Variants in TVP23A observed in about 807,000 individuals in gnomAD.
The protein encoded by TVP23A is Golgi apparatus membrane protein TVP23 homolog A.
TVP23A carries 21 observed loss-of-function variants against 31.7 expected under a neutral mutation model. The observed-to-expected ratio is 0.66, with a 90% CI of 0.47 to 0.95. The LOEUF (loss-of-function observed/expected upper bound fraction) is 0.95. TVP23A is among the 40% of genes least tolerant of loss of function. The probability of loss-of-function intolerance (pLI) is 0.00; values close to 1 mark genes in which losing one functional copy is unlikely to be tolerated. For missense variants in TVP23A, 279 were observed against 255.6 expected (o/e 1.09, Z -0.62); for synonymous variants, 104 against 96.0 (o/e 1.08, Z -0.49).
chr16:10,761,925 C>G (rs2029975221), downstream of TVP23A: 2 of 1,255,212 alleles, frequency 1.6e-6, no homozygotes, highest in Non-Finnish European at 2.3e-6. Context: ...GGGTCGGGCA[C>G]AACAGGGGGC....
chr16:10,808,820 C>T (rs2034064886), intron 2 of TVP23A, among the ~76,000 whole-genome samples: 1 of 152,094 alleles, frequency 6.6e-6, no homozygotes, highest in Non-Finnish European at 1.5e-5. Flanking sequence ...TCAAACCCCA[C>T]AAACAAAACC....
At chr16:10,793,314 T>G (rs1463938631) in intron 2 of TVP23A, among the ~76,000 whole-genome samples, 2 of 152,032 alleles carry the variant, frequency 1.3e-5, no homozygotes, top group African/African-American at 2.4e-5. Flanking sequence ...ACATATCGAC[T>G]CTAGAGTCTG....
At chr16:10,778,679 T>TA (rs1012473894) in intron 2 of TVP23A, among the ~76,000 whole-genome samples, 38 of 145,450 alleles carry the variant, frequency 2.6e-4, no homozygotes, top group African/African-American at 9.2e-4. Context: ...AAAAAAAAGA[T>TA]AGAGGGTCGG....
intron 2 of TVP23A, among the ~76,000 whole-genome samples, chr16:10,796,347 A>G (rs1398743371): frequency 6.6e-6 from 1 of 152,214 alleles, no homozygotes; most frequent in Non-Finnish European, 1.5e-5. Context: ...TCTCAAAAAA[A>G]AGAACAATTT....
chr16:10,778,935 C>T (rs755708553), intron 2 of TVP23A, among the ~76,000 whole-genome samples: 8 of 152,184 alleles, frequency 5.3e-5, no homozygotes, highest in Non-Finnish European at 8.8e-5. Flanking sequence ...CACTGCACTA[C>T]GGAGCAAGAC....
rs117050281 is a variant in TVP23A, at chr16:10,796,756, T to C, written c.89+21347A>G. Among the ~76,000 whole-genome samples the C allele has an allele frequency of 2.3e-4, 35 of 152,304 alleles. No homozygotes were observed. In the East Asian group the frequency reaches 5.6e-3, roughly 24 times the overall value. The stretch of plus-strand genomic sequence containing the variant: ...CCCGGCCCATAAAAGGGATTTTATA[T>C]AGCAACCAACTGTAATATTGTGATG... On this transcript the variant is annotated intron_variant, in intron 2 of 7. Transcript: ENST00000299866.
intron 2 of TVP23A, among the ~76,000 whole-genome samples, chr16:10,782,482 T>C (rs917508592): frequency 6.6e-6 from 1 of 152,012 alleles, no homozygotes; most frequent in Non-Finnish European, 1.5e-5. Context: ...TGAAGTTTTG[T>C]TGGTTTTGTT....
intron 2 of TVP23A, among the ~76,000 whole-genome samples, chr16:10,795,931 A>C (rs1470057692): frequency 6.6e-6 from 1 of 152,196 alleles, no homozygotes; most frequent in African/African-American, 2.4e-5. Context: ...TCAGGACTGT[A>C]GCTCTCACTA....
chr16:10,799,705 G>C (rs2033597739), intron 2 of TVP23A, among the ~76,000 whole-genome samples: 1 of 152,230 alleles, frequency 6.6e-6, no homozygotes. Flanking sequence ...GAAAGACAAG[G>C]AGAGTGAGGT....
chr16:10,774,107 C>A lies in TVP23A; in HGVS notation c.256G>T (p.Val86Leu). ...SVKNVTGRLL[V>L]GLRWWNQIDE... ...ATCTGGTTCCACCATCGAAGGCCCA[C>A]CAGGAGTCTTCCGGTTACATTCTGA... is the stretch of plus-strand genomic sequence containing the variant. The change falls in exon 4 of 8, where the codon GTG (valine) becomes TTG (leucine). Residue 86 changes from valine (V) to leucine (L), a missense_variant. Val to Leu is a conservative substitution (Grantham distance 32). Transcript: ENST00000299866. The A allele has an allele frequency of 6.2e-7, 1 of 1,610,832 alleles. No homozygotes were observed.
chr16:10,772,288 C>T (rs11648243), intron 5 of TVP23A, among the ~76,000 whole-genome samples: 32,003 of 152,122 alleles, frequency 0.21, 3,627 homozygotes, highest in South Asian at 0.35. Context: ...GGAGCGTGGT[C>T]GAGCCGGGAT....
intron 6 of TVP23A, 149 bp from the exon 7 acceptor site, chr16:10,770,480 T>C: frequency 1.3e-6 from 1 of 759,890 alleles, no homozygotes; most frequent in Non-Finnish European, 2.0e-6. Flanking sequence ...GCTGTTCAAA[T>C]TTAGGACGGT....
In TVP23A at chr16:10,818,574, C is replaced by G. The variant is rs1567325969; in HGVS notation, c.-81G>C. 3.9e-6 allele frequency: 6 copies of G among 1,531,488 alleles called. No homozygotes were observed. The highest frequency in any genetic ancestry group is 5.2e-6 in the Non-Finnish European group (6 of 1,143,200). 94.9% of individuals were successfully genotyped at this position (1,531,488 alleles called of 1,614,324 possible). A position where few individuals can be genotyped will look rare whatever the true frequency, so the allele number is the denominator to read the frequency against. On this transcript the variant is annotated 5_prime_UTR_variant, in exon 1 of 8. Transcript: ENST00000299866. This position sits in a 1 kb window ranked among gnomAD's most constrained non-coding sequence, Gnocchi z 4.7. Reference sequence around the variant, plus strand: ...GCCGCTGAAGGGGTCGGACGCCGGGCGGGCGGATGTAGGCAGCAGACGGTG... The same window carrying G: ...GCCGCTGAAGGGGTCGGACGCCGGGGGGGCGGATGTAGGCAGCAGACGGTG...
downstream of TVP23A, chr16:10,761,850 C>T (rs571280854): frequency 6.2e-7 from 1 of 1,613,722 alleles, no homozygotes; most frequent in East Asian, 2.2e-5. Flanking sequence ...GCCCCTGGAT[C>T]CGCTCATAGG....
chr16:10,793,855 C>T (rs1218250369), intron 2 of TVP23A, among the ~76,000 whole-genome samples: 1 of 119,780 alleles, frequency 8.3e-6, no homozygotes, highest in Non-Finnish European at 1.6e-5. Flanking sequence ...GCTGTGATCA[C>T]ACCACTGCAT....
chr16:10,806,034 TG>T (rs949815154), intron 2 of TVP23A, among the ~76,000 whole-genome samples: 7 of 152,218 alleles, frequency 4.6e-5, no homozygotes, highest in African/African-American at 1.7e-4. Context: ...GTGCCAACCT[TG>T]AAATAAATGA....
At chr16:10,764,739 C>T (rs2030603465), downstream of TVP23A, among the ~76,000 whole-genome samples, 1 of 150,702 alleles carries the variant, frequency 6.6e-6, no homozygotes, top group African/African-American at 2.4e-5. Flanking sequence ...GTTGGAGCAT[C>T]TCAGTCTGCT....
intron 2 of TVP23A, among the ~76,000 whole-genome samples, chr16:10,785,821 C>A (rs1194441238): frequency 1.3e-5 from 2 of 152,186 alleles, no homozygotes; most frequent in African/African-American, 2.4e-5. Context: ...CCCTTTGCAG[C>A]CTCTGATTTG....
intron 2 of TVP23A, among the ~76,000 whole-genome samples, chr16:10,799,542 C>A (rs922800460): frequency 6.6e-6 from 1 of 152,338 alleles, no homozygotes; most frequent in South Asian, 2.1e-4. Flanking sequence ...CCATGTTGGT[C>A]AGGCTGGTCT....
Sources: gnomAD v4.1 joint callset for allele counts (sites outside exome capture counted in the v4.1 genomes callset) on GRCh38, gnomAD v4.1.1 for gene constraint, Gnocchi (gnomAD v3.1) non-coding constraint, MANE v1.5 for transcripts, NCBI Gene and HGNC (gene_info 2026-07-23, HGNC 2026-07-21) for gene names.